Variants in TMEM232 observed in about 807,000 individuals in gnomAD.
TMEM232 encodes the protein transmembrane protein 232.
Under a neutral mutation model 78.8 loss-of-function variants are expected in TMEM232, and 80 were observed. The observed-to-expected ratio is 1.01, with a 90% confidence interval of 0.85 to 1.22. The LOEUF (loss-of-function observed/expected upper bound fraction) is 1.22, where lower values mean the gene tolerates loss of function less well. Among genes scored for constraint, TMEM232 ranks in the 50% most tolerant of loss-of-function variants. The pLI is 0.00. For missense variants in TMEM232, 881 were observed against 742.2 expected, an observed-to-expected ratio of 1.19 and a Z score of -2.17; for synonymous variants, 297 against 254.3, an observed-to-expected ratio of 1.17 and a Z score of -1.60.
At chr5:110,491,601 A>T (rs977787669) in intron 12 of TMEM232, among the ~76,000 whole-genome samples, 9 of 152,064 alleles carry the variant, frequency 5.9e-5, no homozygotes, top group Non-Finnish European at 1.3e-4. Flanking sequence ...CAATTGTTTT[A>T]ATATACTAAA....
chr5:110,452,957 C>T (rs1368904371), intron 12 of TMEM232, among the ~76,000 whole-genome samples: 1 of 152,188 alleles, frequency 6.6e-6, no homozygotes, highest in East Asian at 1.9e-4. Flanking sequence ...TAACAGAACG[C>T]TTCTGATTGA....
chr5:110,590,423 T>C (rs931127101), intron 10 of TMEM232, among the ~76,000 whole-genome samples: 1 of 152,096 alleles, frequency 6.6e-6, no homozygotes, highest in African/African-American at 2.4e-5. Context: ...GTCAGATCAG[T>C]GGTATTACAT....
At chr5:110,712,174 A>G (rs3985084) in intron 1 of TMEM232, among the ~76,000 whole-genome samples, 14,037 of 151,266 alleles carry the variant, frequency 0.093, 786 homozygotes, top group South Asian at 0.2. Flanking sequence ...GAAACTCTCC[A>G]GGACATTGGT....
intron 12 of TMEM232, among the ~76,000 whole-genome samples, chr5:110,430,371 C>G (rs1488099871): frequency 1.4e-5 from 2 of 147,366 alleles, no homozygotes; most frequent in Admixed American, 1.3e-4. Context: ...TTTTTTTGTT[C>G]TCAGAGCCCA....
At chr5:110,639,266 A>T (rs1786334874) in intron 4 of TMEM232, among the ~76,000 whole-genome samples, 1 of 152,208 alleles carries the variant, frequency 6.6e-6, no homozygotes, top group Non-Finnish European at 1.5e-5. Flanking sequence ...ACAAAAGTAC[A>T]GGTAAAACAC....
chr5:110,461,703 C>T (rs970986636), intron 12 of TMEM232, among the ~76,000 whole-genome samples: 2 of 152,114 alleles, frequency 1.3e-5, no homozygotes, highest in Admixed American at 6.6e-5. Flanking sequence ...GATAATGCAG[C>T]CAATGAATGT....
chr5:110,504,036 C>T (rs1363267752), intron 12 of TMEM232, among the ~76,000 whole-genome samples: 1 of 152,094 alleles, frequency 6.6e-6, no homozygotes, highest in African/African-American at 2.4e-5. Flanking sequence ...AGTTTATGAG[C>T]CTGAATCAAT....
chr5:110,731,669 A>G (rs893911221), upstream of TMEM232, among the ~76,000 whole-genome samples: 2 of 152,184 alleles, frequency 1.3e-5, no homozygotes, highest in East Asian at 3.9e-4. Flanking sequence ...GGGACACAGG[A>G]CACCAAGTCC....
intron 11 of TMEM232, among the ~76,000 whole-genome samples, chr5:110,555,483 T>A (rs1440623512): frequency 6.6e-6 from 1 of 152,184 alleles, no homozygotes; most frequent in Non-Finnish European, 1.5e-5. Flanking sequence ...ATTCTGGTGT[T>A]GTTTGAGGGA....
chr5:110,683,415 A>AAC (rs1793000485), intron 1 of TMEM232, among the ~76,000 whole-genome samples: 1 of 151,518 alleles, frequency 6.6e-6, no homozygotes, highest in Non-Finnish European at 1.5e-5. Flanking sequence ...GTGGCCTTGT[A>AAC]ATATATATAT....
chr5:110,674,297 A>C (rs1441018586), intron 1 of TMEM232, among the ~76,000 whole-genome samples: 3 of 152,212 alleles, frequency 2.0e-5, no homozygotes, highest in Non-Finnish European at 2.9e-5. Context: ...TAAATGTAGT[A>C]ATAAATGTAA....
chr5:110,618,520 C>T lies in TMEM232; in HGVS notation c.811G>A (p.Ala271Thr). ...CTGTTATTCTGAACACAAGACCAAG[C>T]AGCAACACAGTGCCAGAGCAGGTGG... is the stretch of plus-strand genomic sequence containing the variant. Reference protein sequence around the residue: ...INHLLWHCVAAWSCVQNNSPQ... With the variant: ...INHLLWHCVATWSCVQNNSPQ... Residue 271 changes from alanine to threonine, a missense_variant, in exon 8 of 14, where the codon GCT (alanine) becomes ACT (threonine). Transcript: ENST00000455884. 1 of 1,551,538 alleles carries T rather than the reference C, an allele frequency of 6.4e-7. No homozygotes were observed. Among genetic ancestry groups the T allele is most frequent in the Non-Finnish European group, 8.7e-7 (1 of 1,146,804 alleles).
chr5:110,492,297 A>G (rs1052549359), intron 12 of TMEM232, among the ~76,000 whole-genome samples: 1 of 151,972 alleles, frequency 6.6e-6, no homozygotes, highest in Non-Finnish European at 1.5e-5. Context: ...ATACATGCAC[A>G]TAAATGCAAA....
At chr5:110,517,231 G>C (rs543497694) in intron 12 of TMEM232, among the ~76,000 whole-genome samples, 50 of 152,308 alleles carry the variant, frequency 3.3e-4, no homozygotes, top group African/African-American at 1.1e-3. Context: ...ATGCTCAGGT[G>C]TTGATTCACT....
intron 5 of TMEM232, among the ~76,000 whole-genome samples, chr5:110,630,345 A>G (rs1784954735): frequency 6.6e-6 from 1 of 152,192 alleles, no homozygotes; most frequent in Admixed American, 6.5e-5. Context: ...ACTAGGAGAG[A>G]ACACTGGAGT....
chr5:110,719,968 C>T (rs531577392), intron 1 of TMEM232, among the ~76,000 whole-genome samples: 1 of 152,122 alleles, frequency 6.6e-6, no homozygotes, highest in East Asian at 1.9e-4. Flanking sequence ...AAGGGCTCTT[C>T]TTACTTGTCC....
intron 12 of TMEM232, among the ~76,000 whole-genome samples, chr5:110,472,733 C>A (rs1434437740): frequency 1.3e-5 from 2 of 151,744 alleles, no homozygotes; most frequent in Non-Finnish European, 1.5e-5. Context: ...AATACATAGA[C>A]CAATGGGACA....
chr5:110,495,821 T>A (rs929843036), intron 12 of TMEM232, among the ~76,000 whole-genome samples: 10 of 151,658 alleles, frequency 6.6e-5, no homozygotes, highest in Admixed American at 3.9e-4. Flanking sequence ...TCTTCTGGTT[T>A]TTTTTTAATA....
At chr5:110,523,978 G>C (rs1258124618) in intron 12 of TMEM232, among the ~76,000 whole-genome samples, 1 of 100,030 alleles carries the variant, frequency 1.0e-5, no homozygotes, top group Non-Finnish European at 2.1e-5. Context: ...GGGGGGGGGC[G>C]GGGGGGCTGG....
Sources: allele counts gnomAD v4.1 joint callset (sites outside exome capture counted in the v4.1 genomes callset), GRCh38; gene constraint gnomAD v4.1.1; transcripts MANE v1.5; gene names NCBI Gene and HGNC (gene_info 2026-07-23, HGNC 2026-07-21).